ZDHHC13: variants seen among roughly 807,000 people sequenced by gnomAD.
ZDHHC13 encodes the protein zDHHC palmitoyltransferase 13, also known as palmitoyltransferase ZDHHC13.
ZDHHC13 carries 85 observed loss-of-function variants against 86.0 expected under a neutral mutation model. That is an observed-to-expected ratio of 0.99 (90% CI 0.83 to 1.18). The LOEUF is 1.18. ZDHHC13 is among the 50% of genes most tolerant of loss of function. The pLI, the probability that ZDHHC13 is intolerant of heterozygous loss-of-function variation, is 0.00. For missense variants in ZDHHC13, 711 were observed against 730.2 expected (o/e 0.97, Z 0.30); for synonymous variants, 263 against 246.4 (o/e 1.07, Z -0.63).
At chr11:19,127,030 C>T (rs536477433) in intron 1 of ZDHHC13, among the ~76,000 whole-genome samples, 56 of 152,258 alleles carry the variant, frequency 3.7e-4, no homozygotes, top group South Asian at 2.3e-3. Flanking sequence ...GTTGAGGAAT[C>T]GCCATACTGC....
At position 19,170,575 on chromosome 11, in the gene ZDHHC13, A is replaced by C; in HGVS notation, c.1632+7A>C. ...ATTAAATCAACTCTTTCAGGTATTTATTTCTCTTCTTATAATGGCTTTGAG... is the reference window on the plus strand; with the variant it reads ...ATTAAATCAACTCTTTCAGGTATTTCTTTCTCTTCTTATAATGGCTTTGAG... On this transcript the variant is annotated splice_region_variant and intron_variant, in intron 15 of 16. Coordinates refer to ENST00000446113, the MANE Select transcript of ZDHHC13 (RefSeq NM_019028.3). 6.6e-7 allele frequency: 1 copy of C among 1,513,964 alleles called. No individual in the cohort carries two copies. The highest frequency in any genetic ancestry group is 8.8e-7 in the Non-Finnish European group (1 of 1,137,380). 93.8% of individuals were successfully genotyped at this position (1,513,964 alleles called of 1,614,324 possible).
At chr11:19,163,927 C>T (rs185200427) in intron 11 of ZDHHC13, among the ~76,000 whole-genome samples, 2 of 152,112 alleles carry the variant, frequency 1.3e-5, no homozygotes, top group South Asian at 2.1e-4. Flanking sequence ...AAAGACCCAG[C>T]CCTTGGTGCT....
chr11:19,146,393 T>A, intron 3 of ZDHHC13, 90 bp downstream of exon 3: 1 of 1,392,766 alleles, frequency 7.2e-7, no homozygotes, highest in Non-Finnish European at 9.4e-7. Context: ...TATTGAACCA[T>A]GTGTAATCCT....
rs1198298037 is a variant in ZDHHC13, at chr11:19,172,827, G to A, written c.1730+7G>A. On this transcript the variant is annotated splice_region_variant and intron_variant, in intron 16 of 16. Transcript: ENST00000446113. ...TCAGGAAGACACCATACAAGTAAGCGAGACCTGTTTTGGATGCTGAGTCCT... is the reference window on the plus strand; with the variant it reads ...TCAGGAAGACACCATACAAGTAAGCAAGACCTGTTTTGGATGCTGAGTCCT... The A allele has an allele frequency of 6.3e-6, 10 of 1,589,450 alleles. No homozygotes were observed. Among genetic ancestry groups the A allele is most frequent in the South Asian group, 1.2e-5 (1 of 86,446 alleles).
At chr11:19,119,927 G>A (rs138939651) in intron 1 of ZDHHC13, among the ~76,000 whole-genome samples, 13 of 150,752 alleles carry the variant, frequency 8.6e-5, no homozygotes, top group African/African-American at 2.7e-4. Context: ...TCTCTCACTC[G>A]CTCCTTCTCT....
chr11:19,165,152 G>C lies in ZDHHC13; in HGVS notation c.1390+7G>C. ...TGGACTGGACGGTGCATAGGTGAGAGATTTAATTTTTCAATTACTACTGTG... is the reference window on the plus strand; with the variant it reads ...TGGACTGGACGGTGCATAGGTGAGACATTTAATTTTTCAATTACTACTGTG... On this transcript the variant is annotated splice_region_variant and intron_variant, in intron 13 of 16. Transcript: ENST00000446113. 6.2e-7 allele frequency: 1 copy of C among 1,607,374 alleles called. No individual in the cohort carries two copies. The highest frequency in any genetic ancestry group is 8.5e-7 in the Non-Finnish European group (1 of 1,176,728).
At chr11:19,141,788 A>AT (rs1198442674) in intron 1 of ZDHHC13, among the ~76,000 whole-genome samples, 1 of 151,816 alleles carries the variant, frequency 6.6e-6, no homozygotes, top group East Asian at 1.9e-4. Flanking sequence ...ATCTAAGATA[A>AT]TTGTTTAAAG....
At chr11:19,135,184 CCAGA>C (rs1849102534) in intron 1 of ZDHHC13, among the ~76,000 whole-genome samples, 1 of 152,200 alleles carries the variant, frequency 6.6e-6, no homozygotes, top group South Asian at 2.1e-4. Context: ...CTAGGGAGTG[CCAGA>C]CAGTGGGCAC....
At chr11:19,166,130 T>A (rs1224153729) in intron 13 of ZDHHC13, among the ~76,000 whole-genome samples, 172 bp from the exon 14 acceptor site, 1 of 152,190 alleles carries the variant, frequency 6.6e-6, no homozygotes, top group Non-Finnish European at 1.5e-5. Context: ...CAATTGACTG[T>A]GACATATCAG....
At chr11:19,122,355 C>T (rs1477544087) in intron 1 of ZDHHC13, among the ~76,000 whole-genome samples, 2 of 152,092 alleles carry the variant, frequency 1.3e-5, no homozygotes, top group Non-Finnish European at 2.9e-5. Flanking sequence ...TTTGTTTATA[C>T]TTCATGTGTC....
chr11:19,155,755 G>A (rs1849739451), intron 8 of ZDHHC13, 41 bp from the exon 9 acceptor site: 2 of 1,598,478 alleles, frequency 1.3e-6, no homozygotes, highest in South Asian at 2.3e-5. Flanking sequence ...TACTTAAGAG[G>A]TAAAATCCAT....
chr11:19,145,447 C>T (rs1404493005), intron 2 of ZDHHC13, among the ~76,000 whole-genome samples: 2 of 152,176 alleles, frequency 1.3e-5, no homozygotes, highest in East Asian at 3.9e-4. Context: ...CTCTTTAAAA[C>T]CCTTTATTGG....
chr11:19,152,570 T>G lies in ZDHHC13; in HGVS notation c.759T>G (p.Pro253=). Reference sequence around the variant, plus strand: ...TACTCTTTTTTAAGGGAGAAACACCTCTTGATATGGCTCTACAAAACAAAA... The same window carrying G: ...TACTCTTTTTTAAGGGAGAAACACCGCTTGATATGGCTCTACAAAACAAAA... The part of the protein sequence containing the change: ...LDIQNVKGET[P]LDMALQNKNQ... The change falls in exon 8 of 17, where the codon CCT becomes CCG. Residue 253 remains proline (P), a synonymous_variant. Coordinates refer to ENST00000446113, the MANE Select transcript of ZDHHC13 (RefSeq NM_019028.3). 6.2e-7 allele frequency: 1 copy of G among 1,610,944 alleles called. No individual in the cohort carries two copies. Among genetic ancestry groups the G allele is most frequent in the Non-Finnish European group, 8.5e-7 (1 of 1,178,572 alleles).
At position 19,133,406 on chromosome 11, in the gene ZDHHC13, C is replaced by T. The variant is rs61887274; in HGVS notation, c.28-9572C>T. On this transcript the variant is annotated intron_variant, in intron 1 of 16. Coordinates refer to ENST00000446113, the MANE Select transcript of ZDHHC13 (RefSeq NM_019028.3). The stretch of plus-strand genomic sequence containing the variant: ...ATATATACACACACACACACACACA[C>T]ATATATATATATATACCTAGAGACA... Among the ~76,000 whole-genome samples the T allele has an allele frequency of 2.0e-3, 265 of 133,162 alleles. 1 individual carries two copies. The highest frequency in any genetic ancestry group is 5.4e-3 in the African/African-American group (196 of 36,210). 87.4% of individuals were successfully genotyped at this position (133,162 alleles called of 152,430 possible).
chr11:19,144,738 C>T (rs971234660), intron 2 of ZDHHC13, among the ~76,000 whole-genome samples: 4 of 152,068 alleles, frequency 2.6e-5, no homozygotes, highest in African/African-American at 4.8e-5. Flanking sequence ...TTGATCCTTG[C>T]GGGCTTATTG....
rs764873191 is a variant in ZDHHC13 at position 19,176,009 on chromosome 11, A to T, written c.*49A>T. 2 of 1,562,134 alleles carry T rather than the reference A, an allele frequency of 1.3e-6. No homozygotes were observed. Among genetic ancestry groups the T allele is most frequent in the East Asian group, 4.6e-5 (2 of 43,412 alleles). ...ATCTGATTTGTTTTTGTTTATGTCG[A>T]TGCCCTGTAGTTTGAAAGTGAAGTA... On this transcript the variant is annotated 3_prime_UTR_variant, in exon 17 of 17. Transcript: ENST00000446113.
At chr11:19,158,303 C>T (rs1302608521) in intron 9 of ZDHHC13, among the ~76,000 whole-genome samples, 1 of 152,076 alleles carries the variant, frequency 6.6e-6, no homozygotes, top group Non-Finnish European at 1.5e-5. Context: ...GTGTAAAAGA[C>T]ATTTTCTTTT....
intron 10 of ZDHHC13, among the ~76,000 whole-genome samples, chr11:19,161,238 G>T (rs915491442): frequency 7.2e-5 from 11 of 151,974 alleles, no homozygotes; most frequent in Admixed American, 7.2e-4. Context: ...CACTATGGAA[G>T]AAGACAAAAC....
intron 1 of ZDHHC13, among the ~76,000 whole-genome samples, chr11:19,128,924 G>C (rs1199266607): frequency 6.6e-6 from 1 of 152,158 alleles, no homozygotes; most frequent in Non-Finnish European, 1.5e-5. Context: ...ATATCATCTA[G>C]CCTAAGTGTG....
Sources: allele counts gnomAD v4.1 joint callset (sites outside exome capture counted in the v4.1 genomes callset), GRCh38; gene constraint gnomAD v4.1.1; transcripts MANE v1.5; gene names NCBI Gene and HGNC (gene_info 2026-07-23, HGNC 2026-07-21).